Variants in SLC9D1 observed in about 807,000 individuals in gnomAD.
The protein encoded by SLC9D1 is putative LAG1-interacting protein.
At chr13:113,540,614 C>T in the SLC9D1 span, among the ~76,000 whole-genome samples, 36 of 152,308 alleles carry the variant, frequency 2.4e-4, no homozygotes, top group African/African-American at 8.7e-4. Context: ...TGTTTAAGTT[C>T]CTGATAGATT....
the SLC9D1 span, chr13:113,527,476 A>G: frequency 1.3e-5 from 2 of 152,222 alleles, no homozygotes; most frequent in African/African-American, 2.4e-5. Flanking sequence ...CTCCTCATCC[A>G]GTGCCTGGGA....
At chr13:113,520,972 G>A in the SLC9D1 span, among the ~76,000 whole-genome samples, 1 of 152,130 alleles carries the variant, frequency 6.6e-6, no homozygotes, top group Admixed American at 6.6e-5. Flanking sequence ...AGTAGGGGTG[G>A]TAGTAGTACC....
chr13:113,527,802 CT>C, the SLC9D1 span: 2 of 152,114 alleles, frequency 1.3e-5, no homozygotes, highest in Non-Finnish European at 2.9e-5. Context: ...ACTTAGAAAT[CT>C]GCTCTTTGGT....
At chr13:113,531,310 A>G in the SLC9D1 span, among the ~76,000 whole-genome samples, 1 of 152,196 alleles carries the variant, frequency 6.6e-6, no homozygotes, top group Admixed American at 6.5e-5. Context: ...AGACGTGCTG[A>G]TGGGAAGCTT....
At chr13:113,529,015 C>G in the SLC9D1 span, 1 of 152,180 alleles carries the variant, frequency 6.6e-6, no homozygotes, top group African/African-American at 2.4e-5. Flanking sequence ...CAAGCAGAGC[C>G]CTGGCAGAGA....
At chr13:113,527,541 T>TA in the SLC9D1 span, 2 of 152,332 alleles carry the variant, frequency 1.3e-5, no homozygotes, top group East Asian at 3.9e-4. Context: ...CTGCTGCTGT[T>TA]TAGACTTGTG....
At chr13:113,521,809 G>A in the SLC9D1 span, among the ~76,000 whole-genome samples, 1 of 152,130 alleles carries the variant, frequency 6.6e-6, no homozygotes, top group Non-Finnish European at 1.5e-5. Context: ...AGTCTAGGGT[G>A]CCCTATGAAA....
the SLC9D1 span, chr13:113,520,792 T>C: frequency 3.3e-6 from 4 of 1,197,650 alleles, no homozygotes; most frequent in Admixed American, 1.7e-5. Context: ...TGCATAAAAA[T>C]ACTACTTAAT....
the SLC9D1 span, among the ~76,000 whole-genome samples, chr13:113,493,759 C>A: frequency 6.6e-6 from 1 of 152,200 alleles, no homozygotes; most frequent in Admixed American, 6.5e-5. Flanking sequence ...AGAATATAGT[C>A]TTTTCTTGGT....
At chr13:113,500,137 C>G in the SLC9D1 span, 1 of 1,512,576 alleles carries the variant, frequency 6.6e-7, no homozygotes. Context: ...GTGCAGATCA[C>G]CACTTTATAA....
chr13:113,538,199 GTGTGGCAT>G, the SLC9D1 span, among the ~76,000 whole-genome samples: 1 of 151,440 alleles, frequency 6.6e-6, no homozygotes. Context: ...GTGTACGTGT[GTGTGGCAT>G]GTGTGCATGC....
At chr13:113,539,570 A>G in the SLC9D1 span, 4 of 1,523,174 alleles carry the variant, frequency 2.6e-6, no homozygotes, top group Non-Finnish European at 3.6e-6. This position sits in a 1 kb window ranked among gnomAD's most constrained non-coding sequence, Gnocchi z 4.8. Flanking sequence ...GTTCTGTAAT[A>G]TGTTTACGTG....
chr13:113,518,164 AT>A, the SLC9D1 span, among the ~76,000 whole-genome samples: 1 of 152,200 alleles, frequency 6.6e-6, no homozygotes, highest in Admixed American at 6.5e-5. Flanking sequence ...AATTAGAGAA[AT>A]TGTAATATTT....
chr13:113,499,896 C>A, the SLC9D1 span: 1 of 1,048,490 alleles, frequency 9.5e-7, no homozygotes, highest in South Asian at 3.0e-5. Flanking sequence ...GTTTAGCGTT[C>A]ATTCTCCAAA....
the SLC9D1 span, chr13:113,504,318 A>G: frequency 6.6e-6 from 1 of 151,910 alleles, no homozygotes; most frequent in South Asian, 2.1e-4. Flanking sequence ...CTCATGTAGT[A>G]TTCCTTCTTT....
At chr13:113,528,978 A>G in the SLC9D1 span, 1 of 152,032 alleles carries the variant, frequency 6.6e-6, no homozygotes, top group South Asian at 2.1e-4. Context: ...AGTTATTCTC[A>G]ACGGAGGGCG....
the SLC9D1 span, among the ~76,000 whole-genome samples, chr13:113,514,733 G>T: frequency 1.3e-5 from 2 of 152,090 alleles, no homozygotes; most frequent in Non-Finnish European, 2.9e-5. Context: ...GCCAAGCTTT[G>T]TTTTAGACCG....
chr13:113,526,918 A>G, the SLC9D1 span, among the ~76,000 whole-genome samples: 3 of 152,356 alleles, frequency 2.0e-5, no homozygotes, highest in African/African-American at 7.2e-5. Flanking sequence ...TAGATATGCA[A>G]ATACTTATCA....
the SLC9D1 span, chr13:113,547,434 C>T: frequency 6.5e-6 from 9 of 1,384,354 alleles, no homozygotes; most frequent in South Asian, 1.2e-5. Context: ...GCATAGCCCT[C>T]CCTGTGGCCC....
Sources: gnomAD v4.1 joint callset for allele counts (sites outside exome capture counted in the v4.1 genomes callset) on GRCh38, gnomAD v4.1.1 for gene constraint, Gnocchi (gnomAD v3.1) non-coding constraint, MANE v1.5 for transcripts, NCBI Gene and HGNC (gene_info 2026-07-23, HGNC 2026-07-21) for gene names.